The following DSG1 variants were observed in gnomAD, a reference collection of about 807,000 sequenced individuals.
DSG1 encodes desmoglein-1.
Under a neutral mutation model 97.5 loss-of-function variants are expected in DSG1, and 39 were observed. The observed-to-expected ratio is 0.40, with a 90% CI of 0.31 to 0.52. The LOEUF is 0.52. Among genes scored for constraint, DSG1 ranks in the 20% least tolerant of loss-of-function variants. DSG1 has a pLI of 0.53. For synonymous variants in DSG1, 475 were observed against 443.4 expected (o/e 1.07, Z -0.90); for missense variants, 1,311 against 1,295.4 (o/e 1.01, Z -0.18).
Position 31,328,290 on chromosome 18 carries a change from T to C in DSG1, c.318T>C (p.Thr106=), listed in dbSNP as rs750949228. 1.2e-6 allele frequency: 2 copies of C among 1,613,550 alleles called. No individual in the cohort carries two copies. Among genetic ancestry groups the C allele is most frequent in the Admixed American group, 1.7e-5 (1 of 59,998 alleles). Residue 106 remains threonine, a synonymous_variant, in exon 4 of 15, where the codon ACT becomes ACC. Transcript: ENST00000257192. ...GGATCTTTGTCATTAATCAGAAAAC[T>C]GGTGAAATTAATATAACATCCATAG... is the stretch of plus-strand genomic sequence containing the variant. ...PYGIFVINQK[T]GEINITSIVD...
intron 11 of DSG1, among the ~76,000 whole-genome samples, chr18:31,340,777 T>C (rs1163866950): frequency 6.6e-6 from 1 of 152,128 alleles, no homozygotes; most frequent in Admixed American, 6.5e-5. Context: ...ATGGTGAAAG[T>C]TTAGACTAAA....
intron 1 of DSG1, among the ~76,000 whole-genome samples, chr18:31,319,525 T>C (rs1278536851): frequency 6.6e-6 from 1 of 152,174 alleles, no homozygotes; most frequent in Non-Finnish European, 1.5e-5. Flanking sequence ...CATGCTCTTT[T>C]CAGTGGATAT....
At chr18:31,338,924 T>A (rs2071771567) in intron 10 of DSG1, among the ~76,000 whole-genome samples, 1 of 152,156 alleles carries the variant, frequency 6.6e-6, no homozygotes, top group Non-Finnish European at 1.5e-5. Flanking sequence ...TTAGAAAGTG[T>A]ATAATTGAGT....
At chr18:31,324,261 C>T (rs2071672248) in intron 1 of DSG1, among the ~76,000 whole-genome samples, 2 of 150,148 alleles carry the variant, frequency 1.3e-5, no homozygotes, top group East Asian at 2.0e-4. Context: ...GGATTACAGG[C>T]GTGAGCCACA....
chr18:31,355,600 G>A lies in DSG1; in HGVS notation c.*254G>A, dbSNP rs1405876446. 15 of 520,642 alleles carry A rather than the reference G, an allele frequency of 2.9e-5. No individual in the cohort carries two copies. Among genetic ancestry groups the A allele is most frequent in the Non-Finnish European group, 5.2e-5 (15 of 288,360 alleles). The allele number at this position is 520,642 out of a possible 1,614,324, so 32.3% of individuals were successfully genotyped here. A position where few individuals can be genotyped will look rare whatever the true frequency, so the allele number is the denominator to read the frequency against. On this transcript the variant is annotated 3_prime_UTR_variant, in exon 15 of 15. Coordinates refer to ENST00000257192, the MANE Select transcript of DSG1 (RefSeq NM_001942.4). ...GGCAGAGTCTTCTTTGTGCCTGAGTGGCCTGTAGTCCATCTCCAGCATGTA... is the reference window on the plus strand; with the variant it reads ...GGCAGAGTCTTCTTTGTGCCTGAGTAGCCTGTAGTCCATCTCCAGCATGTA...
rs1205289626 is a variant in DSG1 at position 31,357,225 on chromosome 18, T to C, written c.*1879T>C. ...AAAAGCCACAGTATACATCTTCTTT[T>C]AACTCTGTAGAATATGTAAAATTTT... On this transcript the variant is annotated 3_prime_UTR_variant, in exon 15 of 15. Transcript: ENST00000257192. Among the ~76,000 whole-genome samples, 1 of 152,088 alleles carries C rather than the reference T, an allele frequency of 6.6e-6. No individual in the cohort carries two copies. The highest frequency in any genetic ancestry group is 1.5e-5 in the Non-Finnish European group (1 of 67,936).
chr18:31,333,479 C>G (rs2071732836), intron 6 of DSG1, 110 bp from the exon 7 acceptor site: 1 of 1,318,038 alleles, frequency 7.6e-7, no homozygotes, highest in African/African-American at 1.4e-5. Flanking sequence ...AACCCTACCT[C>G]TATCATAGAT....
At chr18:31,326,495 C>T (rs2071686564) in intron 1 of DSG1, 86 bp from the exon 2 acceptor site, 1 of 1,068,080 alleles carries the variant, frequency 9.4e-7, no homozygotes, top group Admixed American at 1.9e-5. Flanking sequence ...CCTATGGTTT[C>T]ATGTTGTTTT....
At position 31,326,858 on chromosome 18, in the gene DSG1, A is replaced by G. The variant is rs771394778; in HGVS notation, c.85-16A>G. The G allele has an allele frequency of 4.3e-6, 7 of 1,612,060 alleles. No individual in the cohort carries two copies. Among genetic ancestry groups the G allele is most frequent in the African/African-American group, 1.3e-5 (1 of 74,834 alleles). On this transcript the variant is annotated splice_polypyrimidine_tract_variant and intron_variant, in intron 2 of 14. Coordinates refer to ENST00000257192, the MANE Select transcript of DSG1 (RefSeq NM_001942.4). ...TCAAATTAATATATACCATTTCTTT[A>G]TTGCTGTCATTTAAGGTAAGAGATT...
intron 13 of DSG1, 60 bp from the exon 14 acceptor site, chr18:31,345,930 G>A: frequency 7.3e-7 from 1 of 1,378,412 alleles, no homozygotes; most frequent in Non-Finnish European, 1.0e-6. Context: ...AAGGCAAGTT[G>A]TTACTTTTTA....
chr18:31,357,840 C>T lies in DSG1; in HGVS notation c.*2494C>T, dbSNP rs879748059. Among the ~76,000 whole-genome samples the T allele has an allele frequency of 2.7e-4, 41 of 151,982 alleles. No individual in the cohort carries two copies. The highest frequency in any genetic ancestry group is 5.0e-4 in the Non-Finnish European group (34 of 67,882). On this transcript the variant is annotated 3_prime_UTR_variant, in exon 15 of 15. Transcript: ENST00000257192. Reference sequence around the variant, plus strand: ...AGTCACCTATCTTTCTGGGAAGATACTTTCCAACTAATTTTTTCTTCCAGG... The same window carrying T: ...AGTCACCTATCTTTCTGGGAAGATATTTTCCAACTAATTTTTTCTTCCAGG...
intron 11 of DSG1, 131 bp from the exon 12 acceptor site, chr18:31,343,319 T>G (rs2071802500): frequency 6.7e-6 from 9 of 1,336,292 alleles, no homozygotes; most frequent in Non-Finnish European, 9.6e-6. Context: ...GCTTGTATTC[T>G]GAAACTTTCA....
At chr18:31,342,913 T>G (rs2071799071) in intron 11 of DSG1, among the ~76,000 whole-genome samples, 1 of 151,102 alleles carries the variant, frequency 6.6e-6, no homozygotes, top group African/African-American at 2.4e-5. Flanking sequence ...TTTTTTTTTT[T>G]TTTTGAGAGA....
At chr18:31,324,291 C>CTTT (rs79009473) in intron 1 of DSG1, among the ~76,000 whole-genome samples, 3 of 147,440 alleles carry the variant, frequency 2.0e-5, no homozygotes, top group Admixed American at 6.8e-5. Context: ...CCTCTCCTTC[C>CTTT]TTTTTTTTTT....
intron 1 of DSG1, among the ~76,000 whole-genome samples, chr18:31,322,201 G>A (rs962348407): frequency 1.3e-5 from 2 of 152,234 alleles, no homozygotes; most frequent in Admixed American, 6.5e-5. Context: ...TTGAAGGCAG[G>A]TTCTGTGTCT....
intron 13 of DSG1, chr18:31,345,261 T>G (rs541477524): frequency 3.3e-5 from 5 of 152,174 alleles, no homozygotes; most frequent in Non-Finnish European, 7.3e-5. Flanking sequence ...AGCCAGTGGA[T>G]ACATATCCCA....
chr18:31,348,464 T>C (rs1197492693), intron 14 of DSG1, among the ~76,000 whole-genome samples: 1 of 149,532 alleles, frequency 6.7e-6, no homozygotes, highest in Non-Finnish European at 1.5e-5. Flanking sequence ...CATGATTTAT[T>C]CTCCTTTGGG....
At chr18:31,350,482 T>G (rs904846090) in intron 14 of DSG1, among the ~76,000 whole-genome samples, 18 of 150,116 alleles carry the variant, frequency 1.2e-4, no homozygotes, top group Non-Finnish European at 2.5e-4. Context: ...GCTGGCCTCA[T>G]AAAATGAGTT....
intron 13 of DSG1, 71 bp downstream of exon 13, chr18:31,344,066 GT>G: frequency 8.9e-7 from 1 of 1,122,698 alleles, no homozygotes; most frequent in African/African-American, 1.6e-5. Context: ...TTTGATTATT[GT>G]TTTTTAATTA....
Sources: gnomAD v4.1 joint callset for allele counts (sites outside exome capture counted in the v4.1 genomes callset) on GRCh38, gnomAD v4.1.1 for gene constraint, MANE v1.5 for transcripts, NCBI Gene and HGNC (gene_info 2026-07-23, HGNC 2026-07-21) for gene names.